TERF2: variants seen among roughly 807,000 people sequenced by gnomAD.
The protein encoded by TERF2 is telomeric repeat binding factor 2, also known as telomeric repeat-binding factor 2.
Under a neutral mutation model 56.1 loss-of-function variants are expected in TERF2, and 16 were observed. The ratio of observed to expected loss-of-function variants is 0.29; its 90% CI spans 0.19 to 0.43. The LOEUF is 0.43. TERF2 is among the 20% of genes least tolerant of loss of function. The pLI, the probability that TERF2 is intolerant of heterozygous loss-of-function variation, is 1.00. For synonymous variants in TERF2, 296 were observed against 282.1 expected (o/e 1.05, Z -0.50); for missense variants, 547 against 712.9 (o/e 0.77, Z 2.65).
chr16:69,385,811 C>T lies in TERF2; in HGVS notation c.161G>A (p.Gly54Glu). 2.3e-6 allele frequency: 3 copies of T among 1,310,028 alleles called. No individual in the cohort carries two copies. The highest frequency in any genetic ancestry group is 2.9e-6 in the Non-Finnish European group (3 of 1,028,908). The allele number at this position is 1,310,028 out of a possible 1,614,324, so 81.2% of individuals were successfully genotyped here. ...GGACGCCCGCCTGCCAGCTGCCCGC[C>T]CGCTGCCGTCGCTACTCCCGCCTCC... Reference protein sequence around the residue: ...AGGGGSSDGSGRAAGRRASRS... With the variant: ...AGGGGSSDGSERAAGRRASRS... Residue 54 changes from glycine (G) to glutamate (E), a missense_variant, in exon 1 of 10, where the codon GGG (glycine) becomes GAG (glutamate). Physicochemically the swap from Gly to Glu is moderately conservative, Grantham distance 98. Transcript: ENST00000254942.
intron 3 of TERF2, among the ~76,000 whole-genome samples, chr16:69,381,387 C>G (rs1399080563): frequency 6.6e-6 from 1 of 152,102 alleles, no homozygotes; most frequent in Non-Finnish European, 1.5e-5. Context: ...GCAGCTAGTT[C>G]AGCATGCAAC....
chr16:69,385,627 G>A lies in TERF2; in HGVS notation c.345C>T (p.Tyr115=), dbSNP rs2014171755. ...EALRAFRGSR[Y]GDFRQIRDIM... ...TGTCCCGGATCTGTCTGAAGTCCCCGTACCGGCTACCCCGAAAGGCCCGCA... is the reference window on the plus strand; with the variant it reads ...TGTCCCGGATCTGTCTGAAGTCCCCATACCGGCTACCCCGAAAGGCCCGCA... Residue 115 remains tyrosine, a synonymous_variant, in exon 1 of 10, where the codon TAC becomes TAT. Coordinates refer to ENST00000254942, the MANE Select transcript of TERF2 (RefSeq NM_005652.5). The A allele has an allele frequency of 6.6e-7, 1 of 1,520,588 alleles. No individual in the cohort carries two copies. Among genetic ancestry groups the A allele is most frequent in the South Asian group, 1.1e-5 (1 of 89,198 alleles). 94.2% of individuals were successfully genotyped at this position (1,520,588 alleles called of 1,614,324 possible).
intron 7 of TERF2, among the ~76,000 whole-genome samples, chr16:69,363,267 G>A (rs1567444903): frequency 6.6e-6 from 1 of 152,176 alleles, no homozygotes; most frequent in Non-Finnish European, 1.5e-5. Flanking sequence ...TCAGTCCCCA[G>A]CTGGTCCGTC....
intron 3 of TERF2, among the ~76,000 whole-genome samples, chr16:69,383,882 C>T (rs1192446834): frequency 6.8e-6 from 1 of 146,570 alleles, no homozygotes; most frequent in African/African-American, 2.4e-5. Context: ...TGCTTCCACA[C>T]CCCCCAGCCT....
At chr16:69,371,862 A>C (rs1349430486) in intron 4 of TERF2, among the ~76,000 whole-genome samples, 1 of 152,094 alleles carries the variant, frequency 6.6e-6, no homozygotes, top group African/African-American at 2.4e-5. Flanking sequence ...GAAAAAATAA[A>C]AGCAGGGGAC....
intron 6 of TERF2, among the ~76,000 whole-genome samples, chr16:69,368,125 G>A (rs1198009697): frequency 6.6e-6 from 1 of 152,204 alleles, no homozygotes; most frequent in Non-Finnish European, 1.5e-5. Flanking sequence ...TCAATACGGG[G>A]GAGGCAAGGA....
intron 3 of TERF2, among the ~76,000 whole-genome samples, chr16:69,373,498 G>C (rs997929679): frequency 3.3e-5 from 5 of 152,176 alleles, no homozygotes; most frequent in Non-Finnish European, 7.3e-5. Context: ...CTGTCTGAGA[G>C]ACACAGATTC....
rs757935490 is a variant in TERF2 at position 69,385,442 on chromosome 16, A to G, written c.424T>C (p.Leu142=). ...GACAGACACTGCATAACCCGCAGCA[A>G]TCGGGACACGGTGTGCTCCTTCCCC... is the stretch of plus-strand genomic sequence containing the variant. ...PLGKEHTVSR[L]LRVMQCLSRI... is the part of the protein sequence containing the mutation. The change falls in exon 2 of 10, where the codon TTG becomes CTG. Residue 142 remains leucine (L), a synonymous_variant. Transcript: ENST00000254942. 4.3e-6 allele frequency: 7 copies of G among 1,614,002 alleles called. No homozygotes were observed. The Admixed American group carries it at 1.0e-4, about 23-fold the overall frequency.
In TERF2 at chr16:69,366,848, G is replaced by A; in HGVS notation, c.1299C>T (p.Pro433=). ...QEAASAPPSK[P]TVLNQPLPGE... is the part of the protein sequence containing the mutation. ...CAGGGAGGGGTTGGTTGAGAACGGT[G>A]GGCTTGGATGGTGGCGCTGAAGCGG... Residue 433 remains proline, a synonymous_variant, in exon 7 of 10, where the codon CCC becomes CCT. Transcript: ENST00000254942. 1.2e-6 allele frequency: 2 copies of A among 1,614,054 alleles called. No homozygotes were observed. The highest frequency in any genetic ancestry group is 8.5e-7 in the Non-Finnish European group (1 of 1,180,022).
At position 69,356,096 on chromosome 16, in the gene TERF2, C is replaced by T; in HGVS notation, c.*802G>A. ...AAGAGTTTTTAAAGGGAATCTTATT[C>T]CACAAGGACTGGTCTGTCATCAACC... On this transcript the variant is annotated 3_prime_UTR_variant, in exon 10 of 10. Transcript: ENST00000254942. 1 of 398,958 alleles carries T rather than the reference C, an allele frequency of 2.5e-6. No individual in the cohort carries two copies. Among genetic ancestry groups the T allele is most frequent in the South Asian group, 1.9e-5 (1 of 53,762 alleles). 24.7% of individuals were successfully genotyped at this position (398,958 alleles called of 1,614,324 possible).
chr16:69,356,372 A>G lies in TERF2; in HGVS notation c.*526T>C, dbSNP rs2098793998. The stretch of plus-strand genomic sequence containing the variant: ...GCACTGCACAAGCTGTGTGCCTGTC[A>G]TCTCTGCCAAGGACATGGGTGGACT... On this transcript the variant is annotated 3_prime_UTR_variant, in exon 10 of 10. Coordinates refer to ENST00000254942, the MANE Select transcript of TERF2 (RefSeq NM_005652.5). The G allele has an allele frequency of 3.0e-6, 1 of 334,472 alleles. No individual in the cohort carries two copies. The highest frequency in any genetic ancestry group is 2.3e-5 in the South Asian group (1 of 43,466). The allele number at this position is 334,472 out of a possible 1,614,324, so 20.7% of individuals were successfully genotyped here.
Position 69,370,244 on chromosome 16 carries a change from AG to A in TERF2, c.840+238del, listed in dbSNP as rs1208590659. The stretch of plus-strand genomic sequence containing the variant: ...TGGGGTTTCACCATGTTGCTCAGGC[AG>A]GTCTCGAACTCCTGACCTCAGGTGA... On this transcript the variant is annotated intron_variant, in intron 5 of 9. Coordinates refer to ENST00000254942, the MANE Select transcript of TERF2 (RefSeq NM_005652.5). 1.2e-5 allele frequency: 6 copies of A among 487,288 alleles called. No individual in the cohort carries two copies. In the Admixed American group the frequency reaches 1.9e-4, roughly 15 times the overall value. 30.2% of individuals were successfully genotyped at this position (487,288 alleles called of 1,614,324 possible).
chr16:69,383,972 G>A (rs1390615589), intron 3 of TERF2, among the ~76,000 whole-genome samples: 2 of 152,114 alleles, frequency 1.3e-5, no homozygotes, highest in African/African-American at 4.8e-5. Flanking sequence ...AATTTCTACT[G>A]TTTGAAGCTA....
chr16:69,366,853 T>C lies in TERF2; in HGVS notation c.1294A>G (p.Lys432Glu). 2 of 1,614,118 alleles carry C rather than the reference T, an allele frequency of 1.2e-6. No individual in the cohort carries two copies. The highest frequency in any genetic ancestry group is 1.7e-6 in the Non-Finnish European group (2 of 1,180,032). The change falls in exon 7 of 10, where the codon AAG (lysine) becomes GAG (glutamate). Residue 432 changes from lysine to glutamate, a missense_variant. This residue lies in a region of TERF2 where 211 missense variants were observed against 236.8 expected (regional missense o/e 0.89). Transcript: ENST00000254942. ...AGGGGTTGGTTGAGAACGGTGGGCT[T>C]GGATGGTGGCGCTGAAGCGGCCTCC... ...SQEAASAPPS[K>E]PTVLNQPLPG...
At chr16:69,376,422 G>A (rs192571114) in intron 3 of TERF2, among the ~76,000 whole-genome samples, 1 of 152,062 alleles carries the variant, frequency 6.6e-6, no homozygotes, top group African/African-American at 2.4e-5. Context: ...CGTAATTACT[G>A]TAACTTTCTC....
chr16:69,376,733 G>C (rs902453761), intron 3 of TERF2, among the ~76,000 whole-genome samples: 3 of 151,052 alleles, frequency 2.0e-5, no homozygotes, highest in Non-Finnish European at 4.4e-5. Context: ...GGTGGCACAT[G>C]CTTGTGGTTC....
Position 69,356,539 on chromosome 16 carries a change from G to A in TERF2, c.*359C>T. The A allele has an allele frequency of 3.8e-6, 1 of 265,392 alleles. No individual in the cohort carries two copies. The highest frequency in any genetic ancestry group is 7.4e-6 in the Non-Finnish European group (1 of 135,408). 16.4% of individuals were successfully genotyped at this position (265,392 alleles called of 1,614,324 possible). ...GCAGATGCCAGGCGCGGTGGCTCAT[G>A]CCTGTAATCCCAGCACTTTGGGAGG... On this transcript the variant is annotated 3_prime_UTR_variant, in exon 10 of 10. Transcript: ENST00000254942.
chr16:69,382,555 AAT>A (rs568872316), intron 3 of TERF2, among the ~76,000 whole-genome samples: 2 of 152,288 alleles, frequency 1.3e-5, no homozygotes, highest in African/African-American at 4.8e-5. Context: ...TGGAAGTGAT[AAT>A]GTGTCACTTC....
In TERF2 at chr16:69,356,474, G is replaced by A; in HGVS notation, c.*424C>T. On this transcript the variant is annotated 3_prime_UTR_variant, in exon 10 of 10. Transcript: ENST00000254942. ...GACCTCCCCCACGTCGAAGGAGGTT[G>A]CCCAAAATTCTCATCCCAGCCCAGC... The A allele has an allele frequency of 3.7e-6, 1 of 273,566 alleles. No individual in the cohort carries two copies. The highest frequency in any genetic ancestry group is 1.1e-4 in the East Asian group (1 of 9,428). 16.9% of individuals were successfully genotyped at this position (273,566 alleles called of 1,614,324 possible).
Sources: gnomAD v4.1 joint callset for allele counts (sites outside exome capture counted in the v4.1 genomes callset) on GRCh38, gnomAD v4.1.1 for gene constraint, gnomAD v4.1.1 regional missense constraint, MANE v1.5 for transcripts, NCBI Gene and HGNC (gene_info 2026-07-23, HGNC 2026-07-21) for gene names.